ZC3H7A: variants seen among roughly 807,000 people sequenced by gnomAD.
ZC3H7A encodes zinc finger CCCH domain-containing protein 7A.
ZC3H7A carries 44 observed loss-of-function variants against 125.5 expected under a neutral mutation model. The observed-to-expected ratio is 0.35, with a 90% CI of 0.28 to 0.45. The LOEUF (loss-of-function observed/expected upper bound fraction) is 0.45. Ranked by LOEUF, ZC3H7A falls within the 20% of genes least tolerant of loss-of-function variation. The pLI, the probability that ZC3H7A is intolerant of heterozygous loss-of-function variation, is 1.00. For synonymous variants in ZC3H7A, 399 were observed against 391.2 expected (o/e 1.02, Z -0.23); for missense variants, 977 against 1,170.7 (o/e 0.83, Z 2.41).
chr16:11,770,876 G>T lies in ZC3H7A; in HGVS notation c.1015C>A (p.Pro339Thr), dbSNP rs1470007530. 6.2e-7 allele frequency: 1 copy of T among 1,614,186 alleles called. No individual in the cohort carries two copies. Residue 339 changes from proline (P) to threonine (T), a missense_variant, in exon 10 of 23, where the codon CCC becomes ACC. Transcript: ENST00000355758. ...LPIGARYAPPPSFSEFYPPLT... is the reference protein window; with the variant it reads ...LPIGARYAPPTSFSEFYPPLT... ...GGTGGATAAAATTCTGAGAAGGAGG[G>T]TGGAGGAGCATACCTCGCACCAATG...
intron 9 of ZC3H7A, among the ~76,000 whole-genome samples, chr16:11,772,991 G>A (rs1452724168): frequency 6.6e-6 from 1 of 151,650 alleles, no homozygotes; most frequent in South Asian, 2.1e-4. Flanking sequence ...GCACCCAGCA[G>A]AAAAGGCTTT....
At chr16:11,777,503 C>T (rs1263824991) in intron 4 of ZC3H7A, among the ~76,000 whole-genome samples, 2 of 152,078 alleles carry the variant, frequency 1.3e-5, no homozygotes, top group Admixed American at 1.3e-4. Flanking sequence ...GGTGGATCAC[C>T]TGAGGTCAGG....
At chr16:11,752,977 G>C in intron 21 of ZC3H7A, 145 bp from the exon 22 acceptor site, 1 of 968,684 alleles carries the variant, frequency 1.0e-6, no homozygotes, top group South Asian at 1.7e-5. Flanking sequence ...CACAGCATGG[G>C]GAAGCAAGCC....
chr16:11,781,207 A>T (rs893653243), intron 3 of ZC3H7A, among the ~76,000 whole-genome samples: 1 of 152,222 alleles, frequency 6.6e-6, no homozygotes, highest in South Asian at 2.1e-4. Context: ...CAAAACTACC[A>T]TATGTTGCAA....
Position 11,761,494 on chromosome 16 carries a change from C to T in ZC3H7A, c.2231G>A (p.Arg744His). 1 of 1,613,938 alleles carries T rather than the reference C, an allele frequency of 6.2e-7. No homozygotes were observed. The highest frequency in any genetic ancestry group is 8.5e-7 in the Non-Finnish European group (1 of 1,179,932). ...TTCAATAGACATCACTCTCATCGCACGCCGGTCTTTGGTCCACCTAAGAAA... is the reference window on the plus strand; with the variant it reads ...TTCAATAGACATCACTCTCATCGCATGCCGGTCTTTGGTCCACCTAAGAAA... ...KARHSWTKDR[R>H]AMRVMSIERK... Residue 744 changes from arginine to histidine, a missense_variant, in exon 19 of 23, where the codon CGT (arginine) becomes CAT (histidine). Around this residue, in one of 3 missense-constraint regions of ZC3H7A, gnomAD observed 436 missense variants for 603.2 expected, o/e 0.72. Transcript: ENST00000355758.
At chr16:11,776,968 G>T (rs1596395661) in intron 4 of ZC3H7A, 59 bp from the exon 5 acceptor site, 2 of 1,417,356 alleles carry the variant, frequency 1.4e-6, no homozygotes, top group East Asian at 5.1e-5. Context: ...CTTGCACTGA[G>T]GCCTTCCTGT....
In ZC3H7A at chr16:11,765,931, T is replaced by C. The variant is rs2052849578; in HGVS notation, c.1523-246A>G. Among the ~76,000 whole-genome samples the C allele has an allele frequency of 6.6e-6, 1 of 152,216 alleles. No individual in the cohort carries two copies. The highest frequency in any genetic ancestry group is 6.5e-5 in the Admixed American group (1 of 15,278). On this transcript the variant is annotated intron_variant, in intron 13 of 22. Coordinates refer to ENST00000355758, the MANE Select transcript of ZC3H7A (RefSeq NM_014153.4). This position sits in a 1 kb window ranked among gnomAD's most constrained non-coding sequence, Gnocchi z 4.8. ...ATGAATATAAATAACATTTAGGGCA[T>C]CATTTGAACTTGTCTAACAATTCAT...
At chr16:11,756,431 T>C in intron 20 of ZC3H7A, 61 bp from the exon 21 acceptor site, 1 of 1,579,300 alleles carries the variant, frequency 6.3e-7, no homozygotes, top group Non-Finnish European at 8.6e-7. Flanking sequence ...TACATGCAAC[T>C]ATGTGCATAT....
At chr16:11,755,788 A>C (rs1050164895) in intron 21 of ZC3H7A, among the ~76,000 whole-genome samples, 7 of 152,214 alleles carry the variant, frequency 4.6e-5, no homozygotes, top group African/African-American at 1.7e-4. Flanking sequence ...TAGTGGCAGG[A>C]AACCACTAGA....
chr16:11,758,521 A>G lies in ZC3H7A; in HGVS notation c.2338T>C (p.Ser780Pro). 6.2e-7 allele frequency: 1 copy of G among 1,613,432 alleles called. No individual in the cohort carries two copies. The highest frequency in any genetic ancestry group is 8.5e-7 in the Non-Finnish European group (1 of 1,179,510). ...CCAACATATTGACATTTTTTCCCAG[A>G]AGCAATATGGTTGCACAGCTGTATA... ...LQFDLCNHIA[S>P]GKKCQYVGNC... Residue 780 changes from serine to proline, a missense_variant, in exon 20 of 23, where the codon TCT becomes CCT. Transcript: ENST00000355758.
At chr16:11,794,754 C>G (rs182811929) in intron 1 of ZC3H7A, among the ~76,000 whole-genome samples, 1 of 152,216 alleles carries the variant, frequency 6.6e-6, no homozygotes, top group African/African-American at 2.4e-5. Context: ...ATAATTGATT[C>G]TCTTCCACTT....
In ZC3H7A at chr16:11,763,584, A is replaced by T. The variant is rs762856186; in HGVS notation, c.1896T>A (p.Leu632=). Residue 632 remains leucine, a synonymous_variant, in exon 16 of 23, where the codon CTT becomes CTA. Coordinates refer to ENST00000355758, the MANE Select transcript of ZC3H7A (RefSeq NM_014153.4). ...ACCGAACTTCATGTCGACATAAATC[A>T]AGCTGACACTGACCATGAAAAGAAC... The part of the protein sequence containing the change: ...KIRSFHGQCQ[L]DLCRHEVRYG... The T allele has an allele frequency of 3.1e-6, 5 of 1,611,864 alleles. No homozygotes were observed. In the Admixed American group the frequency reaches 5.0e-5, roughly 16 times the overall value.
chr16:11,762,584 GT>G (rs1209866385), intron 17 of ZC3H7A, 86 bp downstream of exon 17: 13 of 1,216,358 alleles, frequency 1.1e-5, no homozygotes, highest in Non-Finnish European at 1.4e-5. Flanking sequence ...TGGACTGTAA[GT>G]GTTAACTGCA....
At chr16:11,796,928 G>T (rs1343307732) in intron 1 of ZC3H7A, 196 bp downstream of exon 1, 1 of 150,240 alleles carries the variant, frequency 6.7e-6, no homozygotes, top group Non-Finnish European at 1.5e-5. Flanking sequence ...CCGTCCCTCC[G>T]CGCGCACAGG....
chr16:11,760,140 A>AAAAAAAAAAAAAAAAAAAAAAAAG (rs1567374789), intron 19 of ZC3H7A, among the ~76,000 whole-genome samples: 1 of 149,598 alleles, frequency 6.7e-6, no homozygotes, highest in African/African-American at 2.5e-5. Context: ...AAAAAAAAAA[A>AAAAAAAAAAAAAAAAAAAAAAAAG]AAAAAGAAAA....
intron 18 of ZC3H7A, 54 bp downstream of exon 18, chr16:11,761,856 A>G: frequency 6.3e-7 from 1 of 1,597,366 alleles, no homozygotes. Flanking sequence ...ATAATTTTAT[A>G]CCTACGAAAC....
Position 11,767,428 on chromosome 16 carries a change from T to A in ZC3H7A, c.1511A>T (p.Tyr504Phe), listed in dbSNP as rs761207930. 5.7e-6 allele frequency: 9 copies of A among 1,584,884 alleles called. No individual in the cohort carries two copies. The highest frequency in any genetic ancestry group is 1.8e-4 in the Middle Eastern group (1 of 5,422). Residue 504 changes from tyrosine (Y) to phenylalanine (F), a missense_variant, in exon 13 of 23, where the codon TAT (tyrosine) becomes TTT (phenylalanine). Tyr to Phe is a conservative substitution (Grantham distance 22). Around this residue, in one of 3 missense-constraint regions of ZC3H7A, gnomAD observed 436 missense variants for 603.2 expected, o/e 0.72. Coordinates refer to ENST00000355758, the MANE Select transcript of ZC3H7A (RefSeq NM_014153.4). ...PTKTNYEGPY[Y>F]ICKDVAAEEE... ...ATTACAGTACATACCTTTACATATA[T>A]AATATGGTCCTTCATAATTTGTTTT...
At chr16:11,774,096 GA>G (rs368481627) in intron 9 of ZC3H7A, 139 bp downstream of exon 9, 25 of 824,298 alleles carry the variant, frequency 3.0e-5, no homozygotes, top group South Asian at 4.9e-5. Flanking sequence ...CAGTAGAGAA[GA>G]AAAAAAGTAA....
intron 2 of ZC3H7A, 91 bp downstream of exon 2, chr16:11,782,195 AC>A: frequency 7.0e-7 from 1 of 1,421,830 alleles, no homozygotes; most frequent in South Asian, 1.2e-5. Context: ...GACCTATTAA[AC>A]ATGACTAAAG....
Sources: allele counts gnomAD v4.1 joint callset (sites outside exome capture counted in the v4.1 genomes callset), GRCh38; gene constraint gnomAD v4.1.1; regional missense constraint gnomAD v4.1.1; non-coding constraint Gnocchi (gnomAD v3.1); transcripts MANE v1.5; gene names NCBI Gene and HGNC (gene_info 2026-07-23, HGNC 2026-07-21).